FRYL: variants seen among roughly 807,000 people sequenced by gnomAD.
The protein encoded by FRYL is FRY like transcription coactivator.
FRYL carries 150 observed loss-of-function variants against 351.2 expected under a neutral mutation model. That is an observed-to-expected ratio of 0.43 (90% CI 0.37 to 0.49). The LOEUF (loss-of-function observed/expected upper bound fraction) is 0.49. FRYL is among the 20% of genes least tolerant of loss of function. FRYL has a pLI of 0.00. For missense variants in FRYL, 3,036 were observed against 3,619.3 expected, an observed-to-expected ratio of 0.84 and a Z score of 4.13; for synonymous variants, 1,153 against 1,257.1, an observed-to-expected ratio of 0.92 and a Z score of 1.75.
intron 13 of FRYL, chr4:48,598,951 C>G: frequency 2.0e-6 from 1 of 494,616 alleles, no homozygotes; most frequent in African/African-American, 2.1e-5. Context: ...AAGCACAAAA[C>G]AAGACAGCTC....
At chr4:48,704,381 A>T (rs1767078306) in intron 2 of FRYL, among the ~76,000 whole-genome samples, 1 of 152,202 alleles carries the variant, frequency 6.6e-6, no homozygotes, top group Non-Finnish European at 1.5e-5. Flanking sequence ...AAACCCTCAA[A>T]ATTTGACAAC....
chr4:48,694,448 C>T (rs1254977910), intron 2 of FRYL, among the ~76,000 whole-genome samples: 3 of 151,946 alleles, frequency 2.0e-5, no homozygotes, highest in Admixed American at 6.6e-5. Flanking sequence ...AGGCATGTGC[C>T]ACTGCGCCCA....
At chr4:48,571,621 G>T (rs1738351600) in intron 26 of FRYL, 1 of 983,142 alleles carries the variant, frequency 1.0e-6, no homozygotes, top group Non-Finnish European at 1.2e-6. Flanking sequence ...TCACTTTCTT[G>T]TCCATGACCC....
intron 40 of FRYL, 32 bp downstream of exon 40, chr4:48,548,658 A>C: frequency 8.8e-7 from 1 of 1,134,678 alleles, no homozygotes; most frequent in East Asian, 2.4e-5. Flanking sequence ...TAAAAATATA[A>C]CATGAAAGAA....
In FRYL at chr4:48,633,069, T is replaced by TA. The variant is rs146816950; in HGVS notation, c.120+1221dup. On this transcript the variant is annotated intron_variant, in intron 4 of 63. Coordinates refer to ENST00000358350, the MANE Select transcript of FRYL (RefSeq NM_015030.2). Reference sequence around the variant, plus strand: ...TGTGTAAGGAGTGAGTTTCAGCTGTTACAACATCCTTCGCCTTCCTCTCCA... The same window carrying TA: ...TGTGTAAGGAGTGAGTTTCAGCTGTTAACAACATCCTTCGCCTTCCTCTCCA... Among the ~76,000 whole-genome samples, 5 of 152,274 alleles carry TA rather than the reference T, an allele frequency of 3.3e-5. No homozygotes were observed. In the East Asian group the frequency reaches 9.6e-4, roughly 29 times the overall value.
intron 1 of FRYL, among the ~76,000 whole-genome samples, chr4:48,777,785 G>A (rs570551253): frequency 6.6e-6 from 1 of 152,264 alleles, no homozygotes; most frequent in South Asian, 2.1e-4. Context: ...GAGATGGGAA[G>A]GAAGATTATG....
At chr4:48,581,258 C>T (rs1251180135) in intron 21 of FRYL, among the ~76,000 whole-genome samples, 162 bp downstream of exon 21, 1 of 151,970 alleles carries the variant, frequency 6.6e-6, no homozygotes, top group Non-Finnish European at 1.5e-5. Flanking sequence ...AGGATGGTCT[C>T]GATCTCCTGA....
At position 48,581,595 on chromosome 4, in the gene FRYL, G is replaced by A. The variant is rs1740909829; in HGVS notation, c.1997C>T (p.Ala666Val). 1.9e-6 allele frequency: 3 copies of A among 1,585,990 alleles called. No individual in the cohort carries two copies. The highest frequency in any genetic ancestry group is 2.6e-6 in the Non-Finnish European group (3 of 1,170,638). The stretch of plus-strand genomic sequence containing the variant: ...AGGAGGGGGATGAGAAGCTCCATTA[G>A]CTACACCATGCTTGAAAAACAGAAG... ...NKNQDTQHGV[A>V]NGASHPPPLE... Residue 666 changes from alanine to valine, a missense_variant, in exon 21 of 64, where the codon GCT (alanine) becomes GTT (valine). By Grantham distance (64) the Ala-to-Val change is moderately conservative (BLOSUM62 0). Around this residue, in one of 7 missense-constraint regions of FRYL, gnomAD observed 492 missense variants for 551.5 expected, o/e 0.89. Transcript: ENST00000358350.
intron 3 of FRYL, chr4:48,653,910 A>G (rs1758246527): frequency 8.0e-7 from 1 of 1,247,218 alleles, no homozygotes; most frequent in African/African-American, 1.6e-5. Flanking sequence ...CACAGGCAGC[A>G]GAGTTTTGGC....
Position 48,589,759 on chromosome 4 carries a change from A to T in FRYL, c.1626T>A (p.Pro542=), listed in dbSNP as rs1358600230. 6.2e-7 allele frequency: 1 copy of T among 1,613,344 alleles called. No homozygotes were observed. The highest frequency in any genetic ancestry group is 1.7e-5 in the Admixed American group (1 of 59,880). The change falls in exon 18 of 64, where the codon CCT becomes CCA. Residue 542 remains proline (P), a synonymous_variant. Transcript: ENST00000358350. ...TTACTACATACGTAATCATGTCTTC[A>T]GGCTCCTTATTAGACATCTGCACAC... ...MTSVQMSNKE[P]EDMITGERKP...
chr4:48,759,584 C>T (rs1233171754), intron 1 of FRYL, among the ~76,000 whole-genome samples: 1 of 152,124 alleles, frequency 6.6e-6, no homozygotes, highest in Non-Finnish European at 1.5e-5. Context: ...GAGGGTGCCC[C>T]ACTTCCTTCA....
intron 3 of FRYL, among the ~76,000 whole-genome samples, chr4:48,657,321 C>T (rs1578567200): frequency 6.6e-6 from 1 of 151,890 alleles, no homozygotes; most frequent in African/African-American, 2.4e-5. Flanking sequence ...CAGGTGCACA[C>T]CACCACGCCC....
At chr4:48,721,397 G>A (rs1433856299) in intron 1 of FRYL, among the ~76,000 whole-genome samples, 1 of 151,526 alleles carries the variant, frequency 6.6e-6, no homozygotes, top group Non-Finnish European at 1.5e-5. Context: ...GGGCATGGTG[G>A]CTCACACCTG....
Position 48,641,847 on chromosome 4 carries a change from A to T in FRYL, c.-80-7357T>A, listed in dbSNP as rs1325382891. On this transcript the variant is annotated intron_variant, in intron 3 of 63. Transcript: ENST00000358350. ...ATATTTTGGTTATATCTTCTAATTC[A>T]TTTGCATAAAAAGAGCAAAAAAGTT... 2.6e-5 allele frequency among the ~76,000 whole-genome samples: 4 copies of T among 152,292 alleles called. 1 individual carries two copies. In the East Asian group the frequency reaches 7.7e-4, roughly 29 times the overall value.
chr4:48,605,866 CAA>C, intron 10 of FRYL, 33 bp from the exon 11 acceptor site: 1 of 1,238,944 alleles, frequency 8.1e-7, no homozygotes, highest in Non-Finnish European at 1.2e-6. Flanking sequence ...CTTAGATTAA[CAA>C]AAGAGGAAAG....
In FRYL at chr4:48,565,635, G is replaced by A. The variant is rs541200121; in HGVS notation, c.3226C>T (p.Leu1076=). 1.9e-6 allele frequency: 3 copies of A among 1,613,918 alleles called. No individual in the cohort carries two copies. Among genetic ancestry groups the A allele is most frequent in the South Asian group, 1.1e-5 (1 of 91,058 alleles). The stretch of plus-strand genomic sequence containing the variant: ...AAAGGACCTGCCCAGTGACTGAACA[G>A]CATAAATAGACTGTGACGAAGGCTC... The part of the protein sequence containing the change: ...QQSLRHSLFM[L]FSHWAGPFSI... The change falls in exon 29 of 64, where the codon CTG becomes TTG. Residue 1076 remains leucine, a synonymous_variant. Coordinates refer to ENST00000358350, the MANE Select transcript of FRYL (RefSeq NM_015030.2).
rs752248484 is a variant in FRYL, at chr4:48,780,245, C to G, written c.-551G>C. On this transcript the variant is annotated 5_prime_UTR_variant, in exon 1 of 64. Transcript: ENST00000358350. ...TCCGACTCTGATTTTAACCGGATTT[C>G]TCTCTCGCTCTCTCCCAGAGCCCGA... 8 of 152,828 alleles carry G rather than the reference C, an allele frequency of 5.2e-5. No individual in the cohort carries two copies. Among genetic ancestry groups the G allele is most frequent in the Admixed American group, 2.0e-4 (3 of 15,290 alleles). 9.5% of individuals were successfully genotyped at this position (152,828 alleles called of 1,614,324 possible). A position where few individuals can be genotyped will look rare whatever the true frequency, so the allele number is the denominator to read the frequency against.
chr4:48,648,161 T>C (rs751133304), intron 3 of FRYL, among the ~76,000 whole-genome samples: 1 of 152,140 alleles, frequency 6.6e-6, no homozygotes, highest in African/African-American at 2.4e-5. Flanking sequence ...TTATCTCACA[T>C]ATAGTCTCTT....
At position 48,561,488 on chromosome 4, in the gene FRYL, A is replaced by G. The variant is rs1345226647; in HGVS notation, c.3845T>C (p.Leu1282Pro). 1.9e-6 allele frequency: 3 copies of G among 1,598,858 alleles called. No individual in the cohort carries two copies. The highest frequency in any genetic ancestry group is 1.7e-5 in the Admixed American group (1 of 59,340). ...SEELARAYPE[L>P]TLAIFSEISQ... Reference sequence around the variant, plus strand: ...CATACCTGAGAATATGGCGAGAGTTAGCTCAGGATACGCCCTTGCTAGTTC... The same window carrying G: ...CATACCTGAGAATATGGCGAGAGTTGGCTCAGGATACGCCCTTGCTAGTTC... Residue 1282 changes from leucine (L) to proline (P), a missense_variant, in exon 33 of 64, where the codon CTA (leucine) becomes CCA (proline). By Grantham distance (98) the Leu-to-Pro change is moderately conservative. Transcript: ENST00000358350.
Sources: gnomAD v4.1 joint callset for allele counts (sites outside exome capture counted in the v4.1 genomes callset) on GRCh38, gnomAD v4.1.1 for gene constraint, gnomAD v4.1.1 regional missense constraint, MANE v1.5 for transcripts, NCBI Gene and HGNC (gene_info 2026-07-23, HGNC 2026-07-21) for gene names.